The following CDK17 variants were observed in gnomAD, a reference collection of about 807,000 sequenced individuals.
CDK17 encodes the protein cyclin dependent kinase 17.
A neutral mutation model predicts 77.6 loss-of-function variants in CDK17; 24 were observed. The ratio of observed to expected loss-of-function variants is 0.31; its 90% CI spans 0.22 to 0.44. The LOEUF is 0.44. Ranked by LOEUF, CDK17 falls within the 20% of genes least tolerant of loss-of-function variation. The pLI is 1.00. For synonymous variants in CDK17, 203 were observed against 210.4 expected (o/e 0.96, Z 0.30); for missense variants, 429 against 622.5 (o/e 0.69, Z 3.31).
At chr12:96,361,091 G>A (rs1231049453) in intron 1 of CDK17, among the ~76,000 whole-genome samples, 1 of 152,204 alleles carries the variant, frequency 6.6e-6, no homozygotes, top group African/African-American at 2.4e-5. Context: ...CTGGGATCCA[G>A]ACCTCCGAAA....
chr12:96,297,213 A>G (rs1952419720), intron 9 of CDK17, 57 bp downstream of exon 9: 13 of 1,073,462 alleles, frequency 1.2e-5, no homozygotes, highest in Non-Finnish European at 1.7e-5. Flanking sequence ...TTCATTATAT[A>G]ATGGTTCACC....
chr12:96,318,074 C>T (rs997689624), intron 3 of CDK17, among the ~76,000 whole-genome samples: 1 of 151,968 alleles, frequency 6.6e-6, no homozygotes, highest in African/African-American at 2.4e-5. Context: ...CAGACACACA[C>T]ATAGGCTCAA....
At chr12:96,359,491 T>C (rs183418431) in intron 1 of CDK17, among the ~76,000 whole-genome samples, 1 of 152,324 alleles carries the variant, frequency 6.6e-6, no homozygotes, top group East Asian at 1.9e-4. Flanking sequence ...GTACTGTCTA[T>C]ACAAACTCAC....
At chr12:96,347,393 G>C (rs1387112975) in intron 1 of CDK17, among the ~76,000 whole-genome samples, 1 of 151,382 alleles carries the variant, frequency 6.6e-6, no homozygotes, top group Non-Finnish European at 1.5e-5. Context: ...GTGAGAACTC[G>C]TCTTTACTAA....
chr12:96,329,413 CATG>C (rs1447427777), intron 2 of CDK17, among the ~76,000 whole-genome samples: 2 of 152,126 alleles, frequency 1.3e-5, no homozygotes, highest in African/African-American at 4.8e-5. Context: ...ACCACCACAA[CATG>C]ATAATCATTA....
At chr12:96,298,038 C>T (rs1439870923) in intron 7 of CDK17, among the ~76,000 whole-genome samples, 3 of 151,980 alleles carry the variant, frequency 2.0e-5, no homozygotes, top group Non-Finnish European at 4.4e-5. Flanking sequence ...TGCCTGTAAT[C>T]CCAGCACTTT....
At chr12:96,389,694 A>C (rs1263768523) in intron 1 of CDK17, among the ~76,000 whole-genome samples, 2 of 152,238 alleles carry the variant, frequency 1.3e-5, no homozygotes, top group Non-Finnish European at 1.5e-5. Context: ...ACTGACTCCC[A>C]CAAATTATGA....
intron 4 of CDK17, among the ~76,000 whole-genome samples, chr12:96,311,741 G>A (rs1952648063): frequency 6.6e-6 from 1 of 151,490 alleles, no homozygotes; most frequent in Non-Finnish European, 1.5e-5. Context: ...GAATGGAGAG[G>A]TATAGGAACT....
rs1952573639 is a variant in CDK17 at position 96,306,084 on chromosome 12, A to T, written c.543+4968T>A. On this transcript the variant is annotated intron_variant, in intron 5 of 16. Transcript: ENST00000261211. ...GCTTACAGTAAGAGAGGAAGAGTTA[A>T]TCAGAGAAAGACAGTGGGATAGCCA... 2.6e-5 allele frequency among the ~76,000 whole-genome samples: 4 copies of T among 152,160 alleles called. 1 individual carries two copies. The South Asian group carries it at 8.3e-4, about 32-fold the overall frequency.
chr12:96,306,384 T>C (rs893292052), intron 5 of CDK17, among the ~76,000 whole-genome samples: 1 of 151,302 alleles, frequency 6.6e-6, no homozygotes, highest in East Asian at 1.9e-4. Context: ...CTGGATAATA[T>C]AGTATGACCC....
At chr12:96,339,586 A>G (rs942738870) in intron 1 of CDK17, among the ~76,000 whole-genome samples, 2 of 152,160 alleles carry the variant, frequency 1.3e-5, no homozygotes, top group Non-Finnish European at 2.9e-5. Context: ...GCTTCAGACA[A>G]TAACATTTAT....
intron 5 of CDK17, among the ~76,000 whole-genome samples, chr12:96,308,731 A>AAATAATAAT (rs34304107): frequency 0.17 from 23,149 of 132,318 alleles, 2,510 homozygotes; most frequent in East Asian, 0.46. Flanking sequence ...CCGTCTCCAA[A>AAATAATAAT]AATAATAATA....
intron 2 of CDK17, among the ~76,000 whole-genome samples, chr12:96,333,986 A>G (rs1223835679): frequency 1.3e-5 from 2 of 152,174 alleles, no homozygotes. Flanking sequence ...CTCTCAAAAC[A>G]TAAGTATGTG....
intron 1 of CDK17, among the ~76,000 whole-genome samples, chr12:96,347,622 G>A (rs1031527356): frequency 3.5e-5 from 1 of 28,488 alleles, no homozygotes; most frequent in African/African-American, 1.1e-4. Context: ...GGAAGGGAGG[G>A]GAAGGGAGGG....
intron 1 of CDK17, among the ~76,000 whole-genome samples, chr12:96,357,310 A>T (rs1177832660): frequency 6.6e-6 from 1 of 152,062 alleles, no homozygotes; most frequent in Non-Finnish European, 1.5e-5. Context: ...AAAAAATTTA[A>T]AAATAGCCAG....
rs528096063 is a variant in CDK17 at position 96,283,149 on chromosome 12, G to T, written c.1365+454C>A. ...ATTAATGTTCTGGCCAATAAGACTT[G>T]GAAAGAAACCTTGTAGGGGTTTCTG... is the stretch of plus-strand genomic sequence containing the variant. On this transcript the variant is annotated intron_variant, in intron 14 of 16. Transcript: ENST00000261211. 1.2e-4 allele frequency among the ~76,000 whole-genome samples: 18 copies of T among 152,222 alleles called. No individual in the cohort carries two copies. The South Asian group carries it at 3.7e-3, about 32-fold the overall frequency.
Position 96,368,359 on chromosome 12 carries a change from A to G in CDK17, c.-30+31627T>C, listed in dbSNP as rs550387359. ...CCCTCTTTCAAAGGTAGGAAATGAG[A>G]GGTTATCCTGAGGTCAGGAGCTTCT... On this transcript the variant is annotated intron_variant, in intron 1 of 16. Coordinates refer to ENST00000261211, the MANE Select transcript of CDK17 (RefSeq NM_002595.5). Among the ~76,000 whole-genome samples, 8 of 152,288 alleles carry G rather than the reference A, an allele frequency of 5.3e-5. No homozygotes were observed. The East Asian group carries it at 1.5e-3, about 29-fold the overall frequency.
chr12:96,317,041 A>G (rs1386902793), intron 3 of CDK17, among the ~76,000 whole-genome samples: 1 of 131,884 alleles, frequency 7.6e-6, no homozygotes, highest in African/African-American at 2.8e-5. Context: ...CCAAAGGCAA[A>G]GAAGTTGAAA....
chr12:96,330,796 G>C (rs1301271785), intron 2 of CDK17, among the ~76,000 whole-genome samples: 1 of 152,164 alleles, frequency 6.6e-6, no homozygotes, highest in Non-Finnish European at 1.5e-5. Context: ...TGTGAATAGT[G>C]CTGCTACAAA....
Sources: gnomAD v4.1 joint callset for allele counts (sites outside exome capture counted in the v4.1 genomes callset) on GRCh38, gnomAD v4.1.1 for gene constraint, MANE v1.5 for transcripts, NCBI Gene and HGNC (gene_info 2026-07-23, HGNC 2026-07-21) for gene names.